PTPRD: variants seen among roughly 807,000 people sequenced by gnomAD.
PTPRD encodes protein tyrosine phosphatase receptor type D.
Under a neutral mutation model 214.5 loss-of-function variants are expected in PTPRD, and 34 were observed. The ratio of observed to expected loss-of-function variants is 0.16; its 90% CI spans 0.12 to 0.21. The LOEUF is 0.21. Ranked by LOEUF, PTPRD falls within the 10% of genes least tolerant of loss-of-function variation. The probability of loss-of-function intolerance (pLI) is 1.00; values close to 1 mark genes in which losing one functional copy is unlikely to be tolerated. For synonymous variants in PTPRD, 1,128 were observed against 845.7 expected (o/e 1.33, Z -5.79); for missense variants, 2,545 against 2,398.7 (o/e 1.06, Z -1.27).
At chr9:8,534,638 T>TACACAC (rs371056231) in intron 14 of PTPRD, among the ~76,000 whole-genome samples, 1 of 149,964 alleles carries the variant, frequency 6.7e-6, no homozygotes, top group East Asian at 1.9e-4. Context: ...TATATATATA[T>TACACAC]ACACACACAC....
At chr9:9,894,488 A>G (rs2074382326) in intron 5 of PTPRD, among the ~76,000 whole-genome samples, 1 of 151,858 alleles carries the variant, frequency 6.6e-6, no homozygotes, top group Non-Finnish European at 1.5e-5. Flanking sequence ...TCATCCTGCC[A>G]GTTTTCCTTT....
chr9:8,851,635 G>A (rs1340967280), intron 11 of PTPRD, among the ~76,000 whole-genome samples: 2 of 151,990 alleles, frequency 1.3e-5, no homozygotes, highest in African/African-American at 4.8e-5. Flanking sequence ...TCTTGAATAT[G>A]GTATGTTCAT....
At chr9:9,191,140 G>C (rs1005682854) in intron 9 of PTPRD, among the ~76,000 whole-genome samples, 1 of 152,110 alleles carries the variant, frequency 6.6e-6, no homozygotes, top group East Asian at 1.9e-4. Context: ...TTTCTTGCTT[G>C]CTATGTCACA....
chr9:10,071,908 G>T (rs922857799), intron 3 of PTPRD, among the ~76,000 whole-genome samples: 2 of 151,274 alleles, frequency 1.3e-5, no homozygotes, highest in Non-Finnish European at 2.9e-5. Flanking sequence ...AATTTTTTTC[G>T]TTTTTTTAAA....
chr9:10,075,970 C>A (rs1590400729), intron 3 of PTPRD, among the ~76,000 whole-genome samples: 1 of 152,088 alleles, frequency 6.6e-6, no homozygotes, highest in East Asian at 1.9e-4. Flanking sequence ...CAAAAATATT[C>A]TACTCAGAGT....
chr9:10,598,875 C>T (rs2077287021), intron 2 of PTPRD, among the ~76,000 whole-genome samples: 1 of 151,482 alleles, frequency 6.6e-6, no homozygotes, highest in Admixed American at 6.6e-5. Context: ...ATGTATGACA[C>T]TACCAATTTT....
At chr9:9,724,354 C>T (rs2098035003) in intron 7 of PTPRD, among the ~76,000 whole-genome samples, 1 of 152,162 alleles carries the variant, frequency 6.6e-6, no homozygotes. Context: ...TGTTTATCAT[C>T]TCTCAAAGCT....
intron 8 of PTPRD, among the ~76,000 whole-genome samples, chr9:9,531,800 A>G (rs1270141278): frequency 2.0e-5 from 3 of 152,044 alleles, no homozygotes; most frequent in East Asian, 1.9e-4. Flanking sequence ...ATATAATTCT[A>G]TATTTAACTT....
At chr9:9,287,645 G>A (rs1949932841) in intron 9 of PTPRD, among the ~76,000 whole-genome samples, 1 of 151,906 alleles carries the variant, frequency 6.6e-6, no homozygotes, top group African/African-American at 2.4e-5. Context: ...TAATGAAATG[G>A]TTAACTAAAG....
intron 9 of PTPRD, among the ~76,000 whole-genome samples, chr9:9,361,223 A>T (rs752071977): frequency 1.6e-4 from 24 of 151,072 alleles, no homozygotes; most frequent in Admixed American, 2.6e-4. Context: ...TTCGCATATA[A>T]TCCTTACAGT....
At chr9:9,805,511 T>C (rs1256541548) in intron 5 of PTPRD, among the ~76,000 whole-genome samples, 2 of 152,318 alleles carry the variant, frequency 1.3e-5, no homozygotes, top group Admixed American at 1.3e-4. Context: ...ATATTTGCTA[T>C]CTGAAGGAAC....
At chr9:8,431,654 C>A (rs1288090007) in intron 35 of PTPRD, among the ~76,000 whole-genome samples, 1 of 152,158 alleles carries the variant, frequency 6.6e-6, no homozygotes, top group Non-Finnish European at 1.5e-5. Context: ...TTACCCTAAA[C>A]CAATGACATT....
At chr9:8,353,876 A>ATATGTGTATATATGTATATATGTG (rs2076240587) in intron 39 of PTPRD, among the ~76,000 whole-genome samples, 3 of 139,364 alleles carry the variant, frequency 2.2e-5, no homozygotes, top group African/African-American at 8.4e-5. Flanking sequence ...GTATATATGT[A>ATATGTGTATATATGTATATATGTG]TATATGTGTA....
chr9:9,053,600 T>C (rs1335766990), intron 10 of PTPRD, among the ~76,000 whole-genome samples: 1 of 152,162 alleles, frequency 6.6e-6, no homozygotes, highest in Non-Finnish European at 1.5e-5. Flanking sequence ...ACCTTGATTT[T>C]TGACTTCTTG....
intron 7 of PTPRD, among the ~76,000 whole-genome samples, chr9:9,628,703 C>T (rs928218453): frequency 6.6e-6 from 1 of 152,050 alleles, no homozygotes; most frequent in Non-Finnish European, 1.5e-5. Flanking sequence ...TCTTAAGAGG[C>T]AAGTGCTAAT....
chr9:10,075,874 T>C (rs1023151340), intron 3 of PTPRD, among the ~76,000 whole-genome samples: 6 of 152,162 alleles, frequency 3.9e-5, no homozygotes, highest in African/African-American at 1.4e-4. Context: ...CTTCATCTTC[T>C]ATAACGATAT....
chr9:9,773,165 T>C (rs1327475305), intron 5 of PTPRD, among the ~76,000 whole-genome samples: 1 of 152,166 alleles, frequency 6.6e-6, no homozygotes, highest in Non-Finnish European at 1.5e-5. Context: ...ACTATATTAA[T>C]ACAAGAAAAT....
At chr9:8,425,156 A>T (rs2094579774) in intron 35 of PTPRD, among the ~76,000 whole-genome samples, 1 of 152,222 alleles carries the variant, frequency 6.6e-6, no homozygotes, top group Admixed American at 6.5e-5. Flanking sequence ...ATAAATAAGT[A>T]AAGTCATCCC....
intron 11 of PTPRD, among the ~76,000 whole-genome samples, chr9:9,004,224 C>A (rs767795454): frequency 6.6e-6 from 1 of 151,986 alleles, no homozygotes; most frequent in Non-Finnish European, 1.5e-5. Flanking sequence ...ATTTAGGAAG[C>A]ATCCACATTA....
Sources: allele counts gnomAD v4.1 joint callset (sites outside exome capture counted in the v4.1 genomes callset), GRCh38; gene constraint gnomAD v4.1.1; transcripts MANE v1.5; gene names NCBI Gene and HGNC (gene_info 2026-07-23, HGNC 2026-07-21).